CDK6: variants seen among roughly 807,000 people sequenced by gnomAD.
CDK6 encodes cyclin-dependent kinase 6.
A neutral mutation model predicts 37.1 loss-of-function variants in CDK6; 6 were observed. The ratio of observed to expected loss-of-function variants is 0.16; its 90% CI spans 0.09 to 0.32. The LOEUF is 0.32. CDK6 is among the 10% of genes least tolerant of loss of function. The pLI is 1.00. For synonymous variants in CDK6, 160 were observed against 161.3 expected, an observed-to-expected ratio of 0.99 and a Z score of 0.06; for missense variants, 224 against 418.9, an observed-to-expected ratio of 0.53 and a Z score of 4.06.
intron 5 of CDK6, among the ~76,000 whole-genome samples, chr7:92,639,368 G>C (rs1339739480): frequency 6.6e-6 from 1 of 152,162 alleles, no homozygotes; most frequent in Non-Finnish European, 1.5e-5. Context: ...AGATCCTTAG[G>C]TTCTTTTGCA....
chr7:92,687,502 A>T (rs767437946), intron 4 of CDK6, among the ~76,000 whole-genome samples: 45 of 152,216 alleles, frequency 3.0e-4, no homozygotes, highest in Non-Finnish European at 4.7e-4. Context: ...GAAAAAATCC[A>T]TGTGTTTGTG....
At chr7:92,782,254 A>G (rs1181038060) in intron 2 of CDK6, among the ~76,000 whole-genome samples, 1 of 152,190 alleles carries the variant, frequency 6.6e-6, no homozygotes, top group African/African-American at 2.4e-5. Context: ...AATTCTATAA[A>G]CACTATGTAC....
intron 2 of CDK6, among the ~76,000 whole-genome samples, chr7:92,806,451 A>G (rs1009631122): frequency 3.3e-5 from 5 of 152,206 alleles, no homozygotes; most frequent in African/African-American, 7.2e-5. Context: ...GCATCTTTAT[A>G]AAACGATGTA....
intron 5 of CDK6, among the ~76,000 whole-genome samples, chr7:92,628,919 G>C (rs1287489097): frequency 1.3e-5 from 2 of 152,190 alleles, no homozygotes; most frequent in East Asian, 3.9e-4. Context: ...AGGTATGAAG[G>C]CTAGGGATGG....
At chr7:92,622,910 C>T in intron 6 of CDK6, 126 bp downstream of exon 6, 1 of 644,892 alleles carries the variant, frequency 1.6e-6, no homozygotes, top group African/African-American at 1.8e-5. Flanking sequence ...AATAGTAACA[C>T]TGTCTGCAGC....
At chr7:92,801,379 A>T (rs1800569804) in intron 2 of CDK6, among the ~76,000 whole-genome samples, 1 of 152,178 alleles carries the variant, frequency 6.6e-6, no homozygotes, top group African/African-American at 2.4e-5. Context: ...TTCTTTCTTA[A>T]ATAACTGTAC....
chr7:92,705,352 G>A (rs1797942745), intron 4 of CDK6, among the ~76,000 whole-genome samples: 1 of 152,198 alleles, frequency 6.6e-6, no homozygotes, highest in Non-Finnish European at 1.5e-5. Context: ...GGCACCAAGA[G>A]AGGAAGCATA....
At chr7:92,633,512 G>A (rs1424597360) in intron 5 of CDK6, among the ~76,000 whole-genome samples, 1 of 152,062 alleles carries the variant, frequency 6.6e-6, no homozygotes, top group Non-Finnish European at 1.5e-5. Context: ...CCTGATTTCT[G>A]CATGGGCCAA....
intron 5 of CDK6, among the ~76,000 whole-genome samples, chr7:92,634,530 C>T (rs1175470692): frequency 6.6e-6 from 1 of 151,986 alleles, no homozygotes; most frequent in African/African-American, 2.4e-5. Context: ...TTAACTCTTC[C>T]AAATGCATTT....
intron 3 of CDK6, among the ~76,000 whole-genome samples, chr7:92,754,838 A>C (rs1799273600): frequency 6.6e-6 from 1 of 152,134 alleles, no homozygotes; most frequent in Non-Finnish European, 1.5e-5. Context: ...AGCAAGATGG[A>C]TCTTTCTGGA....
At chr7:92,727,449 G>T (rs942520874) in intron 3 of CDK6, among the ~76,000 whole-genome samples, 1 of 152,174 alleles carries the variant, frequency 6.6e-6, no homozygotes, top group Non-Finnish European at 1.5e-5. Context: ...AGTGGAGAAA[G>T]TAGCGATTAC....
intron 5 of CDK6, among the ~76,000 whole-genome samples, chr7:92,655,896 C>T (rs959985684): frequency 3.9e-5 from 6 of 152,260 alleles, no homozygotes. Flanking sequence ...TACACACACG[C>T]TCCTAAGCAG....
chr7:92,652,615 A>G (rs1488847764), intron 5 of CDK6, among the ~76,000 whole-genome samples: 5 of 152,172 alleles, frequency 3.3e-5, no homozygotes, highest in Admixed American at 3.3e-4. Flanking sequence ...TAATGAAATT[A>G]TTTGCTTTTA....
chr7:92,625,057 T>C (rs148585195), intron 5 of CDK6, among the ~76,000 whole-genome samples: 110 of 152,154 alleles, frequency 7.2e-4, no homozygotes, highest in South Asian at 2.3e-3. Context: ...TTTCTTCCTA[T>C]ATGATCTTAG....
Position 92,717,558 on chromosome 7 carries a change from C to T in CDK6, c.537+8068G>A, listed in dbSNP as rs115042975. Among the ~76,000 whole-genome samples the T allele has an allele frequency of 1.9e-3, 296 of 152,238 alleles. 1 individual carries two copies. The highest frequency in any genetic ancestry group is 6.7e-3 in the African/African-American group (279 of 41,548). ...AGAAAGAAAGACAGACAACCAGATT[C>T]TCTGTATCATACCCTGATAGATGCT... On this transcript the variant is annotated intron_variant, in intron 4 of 7. Coordinates refer to ENST00000424848, the MANE Select transcript of CDK6 (RefSeq NM_001145306.2).
At chr7:92,716,326 T>A (rs1279487199) in intron 4 of CDK6, among the ~76,000 whole-genome samples, 1 of 152,190 alleles carries the variant, frequency 6.6e-6, no homozygotes, top group East Asian at 1.9e-4. Flanking sequence ...GTAGAAGCGA[T>A]GGAAAGACAG....
chr7:92,755,898 GGGT>G (rs1799306272), intron 3 of CDK6, among the ~76,000 whole-genome samples: 7 of 152,062 alleles, frequency 4.6e-5, no homozygotes, highest in African/African-American at 1.7e-4. Flanking sequence ...TTCTATGCAT[GGGT>G]ATCTCTTTCA....
At chr7:92,642,058 G>A (rs919805760) in intron 5 of CDK6, among the ~76,000 whole-genome samples, 6 of 152,012 alleles carry the variant, frequency 3.9e-5, no homozygotes, top group African/African-American at 1.2e-4. Flanking sequence ...CTGGCGTAAG[G>A]TACTTCTTCC....
Position 92,605,653 on chromosome 7 carries a change from G to GCTTT in CDK6, c.*9483_*9486dup. The GCTTT allele has an allele frequency of 4.3e-6, 1 of 233,212 alleles. No individual in the cohort carries two copies. Among genetic ancestry groups the GCTTT allele is most frequent in the East Asian group, 6.0e-5 (1 of 16,580 alleles). 14.4% of individuals were successfully genotyped at this position (233,212 alleles called of 1,614,324 possible). ...CTGAAGACAGTAGCCTTAGAGATAA[G>GCTTT]CTTTCTTTCTTTCTTCTTCTTTTGC... On this transcript the variant is annotated 3_prime_UTR_variant, in exon 8 of 8. Coordinates refer to ENST00000424848, the MANE Select transcript of CDK6 (RefSeq NM_001145306.2).
Sources: allele counts gnomAD v4.1 joint callset (sites outside exome capture counted in the v4.1 genomes callset), GRCh38; gene constraint gnomAD v4.1.1; transcripts MANE v1.5; gene names NCBI Gene and HGNC (gene_info 2026-07-23, HGNC 2026-07-21).